Variants in SRPK2 observed in about 807,000 individuals in gnomAD.
SRPK2 encodes SFRS protein kinase 2.
In SRPK2, 21 loss-of-function variants were observed where a neutral mutation model predicts 90.8. The observed-to-expected ratio is 0.23, with a 90% confidence interval of 0.16 to 0.33. SRPK2 has a LOEUF of 0.33. SRPK2 is among the 10% of genes least tolerant of loss of function. SRPK2 has a pLI of 1.00. For missense variants in SRPK2, 620 were observed against 869.0 expected, an observed-to-expected ratio of 0.71 and a Z score of 3.60; for synonymous variants, 288 against 311.1, an observed-to-expected ratio of 0.93 and a Z score of 0.78.
intron 2 of SRPK2, among the ~76,000 whole-genome samples, chr7:105,288,519 G>A (rs1466498713): frequency 7.9e-5 from 12 of 152,106 alleles, no homozygotes; most frequent in African/African-American, 1.9e-4. Flanking sequence ...ACTTGAACCC[G>A]GGAGGCGGAG....
At chr7:105,289,286 T>G (rs553351626) in intron 2 of SRPK2, among the ~76,000 whole-genome samples, 1 of 146,072 alleles carries the variant, frequency 6.8e-6, no homozygotes, top group African/African-American at 2.5e-5. Flanking sequence ...AAAAAATAAA[T>G]AAAAAAAAAA....
chr7:105,268,701 G>T, intron 2 of SRPK2: 1 of 1,312,104 alleles, frequency 7.6e-7, no homozygotes, highest in Non-Finnish European at 1.1e-6. Context: ...CAGCATGCAG[G>T]ACAATACGTT....
At chr7:105,278,830 A>G (rs1163967684) in intron 2 of SRPK2, among the ~76,000 whole-genome samples, 1 of 148,966 alleles carries the variant, frequency 6.7e-6, no homozygotes, top group Non-Finnish European at 1.5e-5. Context: ...AGAAAAAAGT[A>G]ATTTGTAAAA....
intron 3 of SRPK2, among the ~76,000 whole-genome samples, chr7:105,186,861 G>C (rs1793643840): frequency 6.6e-6 from 1 of 152,160 alleles, no homozygotes; most frequent in African/African-American, 2.4e-5. Flanking sequence ...CATGCTCTGA[G>C]AAAGCCAAGC....
At chr7:105,211,940 G>A (rs553297633) in intron 2 of SRPK2, among the ~76,000 whole-genome samples, 8 of 152,256 alleles carry the variant, frequency 5.3e-5, no homozygotes, top group African/African-American at 1.9e-4. Flanking sequence ...TGTTCTAAAG[G>A]TATTGCTGCC....
At chr7:105,193,258 T>C (rs1794525433) in intron 3 of SRPK2, among the ~76,000 whole-genome samples, 1 of 152,250 alleles carries the variant, frequency 6.6e-6, no homozygotes, top group Non-Finnish European at 1.5e-5. Flanking sequence ...CTCTTACAGA[T>C]GGCTTGCCAG....
intron 2 of SRPK2, among the ~76,000 whole-genome samples, chr7:105,294,672 C>T (rs887557303): frequency 5.9e-5 from 9 of 151,986 alleles, no homozygotes; most frequent in South Asian, 4.1e-4. Context: ...ATTATAGACG[C>T]GCACCACCAT....
At chr7:105,183,971 C>T (rs1793232947) in intron 3 of SRPK2, among the ~76,000 whole-genome samples, 1 of 131,868 alleles carries the variant, frequency 7.6e-6, no homozygotes, top group South Asian at 2.3e-4. Context: ...TACACTATTA[C>T]CAATTTTTTT....
At chr7:105,289,269 G>A (rs1054507550) in intron 2 of SRPK2, among the ~76,000 whole-genome samples, 6 of 151,532 alleles carry the variant, frequency 4.0e-5, no homozygotes, top group Non-Finnish European at 5.9e-5. Flanking sequence ...ACAAGACTCT[G>A]TCTCAAAAAA....
chr7:105,306,008 G>A (rs1811102754), intron 2 of SRPK2, among the ~76,000 whole-genome samples: 1 of 152,132 alleles, frequency 6.6e-6, no homozygotes, highest in African/African-American at 2.4e-5. Context: ...AAAGGTGGAG[G>A]GCAGGAAACT....
upstream of SRPK2, chr7:105,389,473 T>C: frequency 8.9e-7 from 1 of 1,122,750 alleles, no homozygotes; most frequent in African/African-American, 1.7e-5. Context: ...GAAGTCATTT[T>C]CTCTCCCACC....
Position 105,203,742 on chromosome 7 carries a change from G to C in SRPK2, c.115C>G (p.Pro39Ala), listed in dbSNP as rs1422040977. 6.2e-7 allele frequency: 1 copy of C among 1,606,644 alleles called. No individual in the cohort carries two copies. The highest frequency in any genetic ancestry group is 1.3e-5 in the African/African-American group (1 of 74,594). The change falls in exon 3 of 16, where the codon CCG becomes GCG. Residue 39 changes from proline to alanine, a missense_variant. Physicochemically the swap from Pro to Ala is conservative, Grantham distance 27 (BLOSUM62 -1). Coordinates refer to ENST00000393651, the MANE Select transcript of SRPK2 (RefSeq NM_182692.3). ...QKAPLVPPPP[P>A]PPPPPPPPLP... is the part of the protein sequence containing the mutation. ...GGTGGCGGTGGTGGTGGTGGTGGCG[G>C]TGGAGGAGGAGGAACTAAAGGAGCT... is the stretch of plus-strand genomic sequence containing the variant.
intron 2 of SRPK2, among the ~76,000 whole-genome samples, chr7:105,342,264 C>T (rs918169444): frequency 4.1e-5 from 6 of 147,044 alleles, no homozygotes; most frequent in Admixed American, 2.0e-4. Context: ...GCAGAGGTTG[C>T]GGTGAGCCGA....
intron 7 of SRPK2, among the ~76,000 whole-genome samples, chr7:105,153,629 G>T (rs1281311015): frequency 6.6e-6 from 1 of 152,142 alleles, no homozygotes; most frequent in Non-Finnish European, 1.5e-5. Flanking sequence ...AATAGAATGA[G>T]AGCAACTTTC....
intron 2 of SRPK2, chr7:105,306,285 C>T: frequency 1.1e-5 from 3 of 278,850 alleles, no homozygotes; most frequent in South Asian, 1.0e-4. Flanking sequence ...CTTTTCAGTG[C>T]ACTGGGCTTC....
At chr7:105,396,148 C>G (rs1313646130) in intron 1 of SRPK2, among the ~76,000 whole-genome samples, 1 of 151,816 alleles carries the variant, frequency 6.6e-6, no homozygotes, top group Non-Finnish European at 1.5e-5. Context: ...CTCCCGACCT[C>G]AGGTGATCTG....
chr7:105,285,258 C>G (rs1042537940), intron 2 of SRPK2, among the ~76,000 whole-genome samples: 2 of 151,506 alleles, frequency 1.3e-5, no homozygotes, highest in African/African-American at 4.9e-5. Flanking sequence ...TGGTGATGCA[C>G]GCCTATAATC....
intron 2 of SRPK2, among the ~76,000 whole-genome samples, chr7:105,239,233 G>T (rs1424906271): frequency 6.6e-6 from 1 of 152,090 alleles, no homozygotes; most frequent in Non-Finnish European, 1.5e-5. Context: ...GTTAAAAAGG[G>T]CAACAATAAA....
Position 105,312,380 on chromosome 7 carries a change from C to T in SRPK2, c.71+76268G>A, listed in dbSNP as rs140982336. ...GTTTGAACCCAGGAGGCGGAGCTTG[C>T]GGTGAGCCGAGATCATGCCACTGCA... On this transcript the variant is annotated intron_variant, in intron 2 of 15. Coordinates refer to ENST00000393651, the MANE Select transcript of SRPK2 (RefSeq NM_182692.3). 6.5e-4 allele frequency among the ~76,000 whole-genome samples: 91 copies of T among 139,006 alleles called. 1 individual carries two copies. Among genetic ancestry groups the T allele is most frequent in the East Asian group, 2.3e-4 (1 of 4,294 alleles). The allele number at this position is 139,006 out of a possible 152,430, so 91.2% of individuals were successfully genotyped here. A position where few individuals can be genotyped will look rare whatever the true frequency, so the allele number is the denominator to read the frequency against.
Sources: gnomAD v4.1 joint callset for allele counts (sites outside exome capture counted in the v4.1 genomes callset) on GRCh38, gnomAD v4.1.1 for gene constraint, MANE v1.5 for transcripts, NCBI Gene and HGNC (gene_info 2026-07-23, HGNC 2026-07-21) for gene names.